Variants in DNAH6 observed in about 807,000 individuals in gnomAD.
DNAH6 encodes dynein axonemal heavy chain 6.
DNAH6 carries 340 observed loss-of-function variants against 491.4 expected under a neutral mutation model. The observed-to-expected ratio is 0.69, with a 90% CI of 0.63 to 0.76. The LOEUF is 0.76. DNAH6 is among the 30% of genes least tolerant of loss of function. DNAH6 has a pLI of 0.00. For synonymous variants in DNAH6, 1,603 were observed against 1,686.1 expected (o/e 0.95, Z 1.21); for missense variants, 4,443 against 4,972.2 (o/e 0.89, Z 3.20).
intron 68 of DNAH6, among the ~76,000 whole-genome samples, chr2:84,791,548 T>A (rs1677745062): frequency 6.6e-6 from 1 of 151,808 alleles, no homozygotes; most frequent in Admixed American, 6.6e-5. Context: ...TGACTGCAAA[T>A]GGACACAAGA....
At chr2:84,700,893 C>G (rs935443364) in intron 48 of DNAH6, among the ~76,000 whole-genome samples, 3 of 152,196 alleles carry the variant, frequency 2.0e-5, no homozygotes, top group Admixed American at 2.0e-4. Flanking sequence ...TGGAGACATA[C>G]TGGTCACTAA....
At chr2:84,712,870 A>G (rs1221470510) in intron 56 of DNAH6, among the ~76,000 whole-genome samples, 1 of 152,184 alleles carries the variant, frequency 6.6e-6, no homozygotes, top group Non-Finnish European at 1.5e-5. Flanking sequence ...ATCTAAATAG[A>G]TATATTGCCT....
At chr2:84,653,946 C>A in intron 34 of DNAH6, 72 bp downstream of exon 34, 1 of 1,254,374 alleles carries the variant, frequency 8.0e-7, no homozygotes, top group Non-Finnish European at 1.1e-6. Context: ...TTTTTTCTCA[C>A]ACTGATGTAG....
intron 48 of DNAH6, 95 bp from the exon 49 acceptor site, chr2:84,701,002 G>A: frequency 7.2e-7 from 1 of 1,392,432 alleles, no homozygotes. Flanking sequence ...GGACTGGGCA[G>A]GGAGGAGTTC....
At position 84,605,582 on chromosome 2, in the gene DNAH6, A is replaced by G; in HGVS notation, c.3164A>G (p.Asp1055Gly). The G allele has an allele frequency of 6.4e-7, 1 of 1,550,512 alleles. No individual in the cohort carries two copies. Among genetic ancestry groups the G allele is most frequent in the Non-Finnish European group, 8.7e-7 (1 of 1,146,034 alleles). ...SKDVFILGGT[D>G]DIQVLLDDST... Reference sequence around the variant, plus strand: ...GATGTGTTTATACTGGGCGGCACAGATGACATACAGGTGGGTAACTGGGTT... The same window carrying G: ...GATGTGTTTATACTGGGCGGCACAGGTGACATACAGGTGGGTAACTGGGTT... The change falls in exon 20 of 77, where the codon GAT (aspartate) becomes GGT (glycine). Residue 1055 changes from aspartate (D) to glycine (G), a missense_variant. By Grantham distance (94) the Asp-to-Gly change is moderately conservative. Transcript: ENST00000389394.
At chr2:84,791,165 G>A (rs1336389185) in intron 68 of DNAH6, among the ~76,000 whole-genome samples, 4 of 150,780 alleles carry the variant, frequency 2.7e-5, no homozygotes, top group Non-Finnish European at 5.9e-5. Flanking sequence ...ACTCCAGCCT[G>A]GGCGAGAGAG....
At chr2:84,462,972 A>G in the DNAH6 span, among the ~76,000 whole-genome samples, 1 of 152,194 alleles carries the variant, frequency 6.6e-6, no homozygotes, top group Non-Finnish European at 1.5e-5. Context: ...CTAGCATAAA[A>G]GACTGTAGAA....
intron 64 of DNAH6, among the ~76,000 whole-genome samples, chr2:84,778,452 G>A (rs545384961): frequency 6.6e-6 from 1 of 151,396 alleles, no homozygotes; most frequent in East Asian, 1.9e-4. Flanking sequence ...TCCTCTAATT[G>A]CAATATTAGA....
chr2:84,701,145 G>A lies in DNAH6; in HGVS notation c.7867G>A (p.Val2623Ile), dbSNP rs775163555. The change falls in exon 49 of 77, where the codon GTC (valine) becomes ATC (isoleucine). Residue 2623 changes from valine to isoleucine, a missense_variant. By Grantham distance (29) the Val-to-Ile change is conservative. This residue lies in a region of DNAH6 where 2,977 missense variants were observed against 3,296.6 expected (regional missense o/e 0.90). Coordinates refer to ENST00000389394, the MANE Select transcript of DNAH6 (RefSeq NM_001370.2). ...TGTGTCAAAGACATTTTTCTCACAA[G>A]TCGATGCTGGAAATGAAGAACTGAA... is the stretch of plus-strand genomic sequence containing the variant. The part of the protein sequence containing the change: ...LSVSKTFFSQ[V>I]DAGNEELKEK... The A allele has an allele frequency of 4.5e-6, 7 of 1,551,696 alleles. No individual in the cohort carries two copies. The South Asian group carries it at 4.8e-5, about 11-fold the overall frequency.
intron 40 of DNAH6, among the ~76,000 whole-genome samples, chr2:84,674,947 C>T (rs996430300): frequency 6.6e-6 from 1 of 152,232 alleles, no homozygotes; most frequent in African/African-American, 2.4e-5. Context: ...CACAGTCCCA[C>T]TGAGGCATAA....
chr2:84,758,328 A>C (rs1674242129), intron 63 of DNAH6, among the ~76,000 whole-genome samples: 1 of 152,226 alleles, frequency 6.6e-6, no homozygotes, highest in Non-Finnish European at 1.5e-5. Context: ...AGTAAAAAGC[A>C]AATGGTTTAT....
chr2:84,787,364 C>T, intron 68 of DNAH6, 62 bp downstream of exon 68: 1 of 1,350,710 alleles, frequency 7.4e-7, no homozygotes, highest in Non-Finnish European at 1.0e-6. Flanking sequence ...GGTTTACTCC[C>T]ACCTGGCCCT....
chr2:84,601,011 A>ATAATACTATATTAT (rs1558778624), intron 18 of DNAH6, among the ~76,000 whole-genome samples: 16 of 147,498 alleles, frequency 1.1e-4, no homozygotes, highest in African/African-American at 3.7e-4. Context: ...TACTATAATA[A>ATAATACTATATTAT]TATTATAATA....
chr2:84,699,584 T>A lies in DNAH6; in HGVS notation c.7678-10T>A. ...ATTTTAAACTGAAAAAATAACTTTC[T>A]TTTTGTCAGGTGTTTCAATACTTTA... On this transcript the variant is annotated splice_polypyrimidine_tract_variant and intron_variant, in intron 47 of 76. Transcript: ENST00000389394. 6.5e-7 allele frequency: 1 copy of A among 1,544,296 alleles called. No homozygotes were observed. The highest frequency in any genetic ancestry group is 2.4e-5 in the East Asian group (1 of 40,822).
chr2:84,609,176 A>C (rs1208067836), intron 21 of DNAH6, among the ~76,000 whole-genome samples: 2 of 152,198 alleles, frequency 1.3e-5, no homozygotes, highest in Admixed American at 1.3e-4. Flanking sequence ...TATTCAAACC[A>C]TTCAAACTTT....
intron 11 of DNAH6, among the ~76,000 whole-genome samples, chr2:84,567,015 A>C (rs1461512344): frequency 6.6e-6 from 1 of 152,142 alleles, no homozygotes; most frequent in Non-Finnish European, 1.5e-5. Context: ...CTGTAAGTAA[A>C]GATGGACAAA....
chr2:84,786,860 T>A (rs1413330845), intron 67 of DNAH6, among the ~76,000 whole-genome samples: 1 of 152,208 alleles, frequency 6.6e-6, no homozygotes, highest in Non-Finnish European at 1.5e-5. Context: ...GTGAAATTTT[T>A]TTTTCTGCTT....
chr2:84,701,515 T>C (rs1224151872), intron 49 of DNAH6, among the ~76,000 whole-genome samples, 176 bp downstream of exon 49: 1 of 152,178 alleles, frequency 6.6e-6, no homozygotes, highest in African/African-American at 2.4e-5. Flanking sequence ...TGTAATTGGC[T>C]CACAGTTCTG....
chr2:84,658,437 C>A lies in DNAH6; in HGVS notation c.5903C>A (p.Ser1968Tyr). ...KVTTLCCLLESLILGKDGVNL... is the reference protein window; with the variant it reads ...KVTTLCCLLEYLILGKDGVNL... Reference sequence around the variant, plus strand: ...ACTACACTCTGTTGCTTATTGGAGTCCTTGATACTTGGGAAAGATGGAGTT... The same window carrying A: ...ACTACACTCTGTTGCTTATTGGAGTACTTGATACTTGGGAAAGATGGAGTT... The change falls in exon 36 of 77, where the codon TCC becomes TAC. Residue 1968 changes from serine to tyrosine, a missense_variant. By Grantham distance (144) the Ser-to-Tyr change is moderately radical. Around this residue, in one of 3 missense-constraint regions of DNAH6, gnomAD observed 2,977 missense variants for 3,296.6 expected, o/e 0.90. Transcript: ENST00000389394. 6.5e-7 allele frequency: 1 copy of A among 1,530,756 alleles called. No homozygotes were observed. Among genetic ancestry groups the A allele is most frequent in the Non-Finnish European group, 8.8e-7 (1 of 1,137,554 alleles). The allele number at this position is 1,530,756 out of a possible 1,614,324, so 94.8% of individuals were successfully genotyped here.
Sources: gnomAD v4.1 joint callset for allele counts (sites outside exome capture counted in the v4.1 genomes callset) on GRCh38, gnomAD v4.1.1 for gene constraint, gnomAD v4.1.1 regional missense constraint, MANE v1.5 for transcripts, NCBI Gene and HGNC (gene_info 2026-07-23, HGNC 2026-07-21) for gene names.